Variants in ANK2 observed in about 807,000 individuals in gnomAD.
The protein encoded by ANK2 is ankyrin 2.
In ANK2, 83 loss-of-function variants were observed where a neutral mutation model predicts 360.5. The ratio of observed to expected loss-of-function variants is 0.23; its 90% confidence interval spans 0.19 to 0.28. The LOEUF (loss-of-function observed/expected upper bound fraction) is 0.28. Ranked by LOEUF, ANK2 falls within the 10% of genes least tolerant of loss-of-function variation. The probability of loss-of-function intolerance (pLI) is 1.00; values close to 1 mark genes in which losing one functional copy is unlikely to be tolerated. For missense variants in ANK2, 4,201 were observed against 4,795.7 expected (o/e 0.88, Z 3.66); for synonymous variants, 1,740 against 1,759.5 (o/e 0.99, Z 0.28).
chr4:113,383,573 A>T lies in ANK2; in HGVS notation c.*2102A>T, dbSNP rs2097203316. On this transcript the variant is annotated 3_prime_UTR_variant, in exon 46 of 46. Transcript: ENST00000357077. ...ATACTGTGAGAAGAAGTGAATTTTC[A>T]GTTGACGAATCAGCATCTTGTTCCC... is the stretch of plus-strand genomic sequence containing the variant. 1 of 152,618 alleles carries T rather than the reference A, an allele frequency of 6.6e-6. No homozygotes were observed. Among genetic ancestry groups the T allele is most frequent in the Non-Finnish European group, 1.5e-5 (1 of 68,030 alleles). 9.5% of individuals were successfully genotyped at this position (152,618 alleles called of 1,614,324 possible). A position where few individuals can be genotyped will look rare whatever the true frequency, so the allele number is the denominator to read the frequency against.
In ANK2 at chr4:113,356,369, C is replaced by G. The variant is rs2154025443; in HGVS notation, c.7751C>G (p.Pro2584Arg). The G allele has an allele frequency of 2.5e-6, 4 of 1,614,042 alleles. No individual in the cohort carries two copies. Among genetic ancestry groups the G allele is most frequent in the Non-Finnish European group, 3.4e-6 (4 of 1,179,994 alleles). The part of the protein sequence containing the change: ...SENGEKKRFT[P>R]EEEMFKMVTK... ...AACGGGGAGAAAAAGAGGTTCACAC[C>G]TGAAGAGGAGATGTTTAAAATGGTA... Residue 2584 changes from proline to arginine, a missense_variant, in exon 38 of 46, where the codon CCT becomes CGT. Around this residue, in one of 4 missense-constraint regions of ANK2, gnomAD observed 2,642 missense variants for 2,714.5 expected, o/e 0.97. Transcript: ENST00000357077.
intron 43 of ANK2, among the ~76,000 whole-genome samples, chr4:113,370,253 A>G (rs898507333): frequency 2.1e-4 from 32 of 152,280 alleles, no homozygotes; most frequent in African/African-American, 7.7e-4. Context: ...GGTGGGGTTT[A>G]GCTGCCAAAA....
intron 36 of ANK2, among the ~76,000 whole-genome samples, chr4:113,349,577 G>T (rs2095259320): frequency 6.6e-6 from 1 of 152,106 alleles, no homozygotes; most frequent in South Asian, 2.1e-4. Flanking sequence ...TAAGACTGAA[G>T]TCATTCTTTC....
chr4:112,846,584 T>G (rs1326717835), intron 1 of ANK2, among the ~76,000 whole-genome samples: 1 of 152,192 alleles, frequency 6.6e-6, no homozygotes, highest in Admixed American at 6.5e-5. Context: ...TCCTCTCTCT[T>G]GATCTCTTCC....
rs2061079301 is a variant in ANK2, at chr4:113,278,537, T to C, written c.1860T>C (p.Ala620=). 1.2e-5 allele frequency: 20 copies of C among 1,613,942 alleles called. No individual in the cohort carries two copies. The highest frequency in any genetic ancestry group is 1.7e-5 in the Non-Finnish European group (20 of 1,179,910). Residue 620 remains alanine, a synonymous_variant, in exon 17 of 46, where the codon GCT becomes GCC. Coordinates refer to ENST00000357077, the MANE Select transcript of ANK2 (RefSeq NM_001148.6). ...KVALLLLEKG[A]SPHATAKNGY... is the part of the protein sequence containing the mutation. ...CGCTGCTGTTACTGGAGAAGGGTGC[T>C]TCCCCTCATGCCACTGCCAAGGTGA...
chr4:113,290,044 G>C (rs1035720810), intron 20 of ANK2, among the ~76,000 whole-genome samples: 6 of 152,134 alleles, frequency 3.9e-5, no homozygotes, highest in African/African-American at 1.2e-4. Flanking sequence ...TGTTGAAATG[G>C]TTATAATATT....
At chr4:112,805,373 C>T in the ANK2 span, among the ~76,000 whole-genome samples, 1 of 152,086 alleles carries the variant, frequency 6.6e-6, no homozygotes, top group African/African-American at 2.4e-5. Context: ...TGGTTGCCTA[C>T]CTTTGTACCA....
intron 1 of ANK2, among the ~76,000 whole-genome samples, chr4:113,119,728 C>A (rs983655459): frequency 6.6e-6 from 1 of 152,024 alleles, no homozygotes; most frequent in Non-Finnish European, 1.5e-5. Context: ...CAGATGAGAT[C>A]CACCCCAATG....
intron 2 of ANK2, among the ~76,000 whole-genome samples, chr4:113,013,793 T>TA (rs1342134966): frequency 6.6e-6 from 1 of 152,194 alleles, no homozygotes; most frequent in Non-Finnish European, 1.5e-5. Context: ...GAGTTAGTCT[T>TA]AAAGTCAAAA....
chr4:113,088,125 TGA>T (rs1284261998), intron 1 of ANK2, among the ~76,000 whole-genome samples: 19 of 152,202 alleles, frequency 1.2e-4, no homozygotes, highest in African/African-American at 4.6e-4. Context: ...GATTTAAGGC[TGA>T]TAAATTGCTG....
intron 45 of ANK2, among the ~76,000 whole-genome samples, chr4:113,374,138 G>C (rs1314002661): frequency 6.6e-6 from 1 of 152,118 alleles, no homozygotes; most frequent in Admixed American, 6.5e-5. Context: ...TGGGCAGGCT[G>C]GTCTCGAACT....
chr4:112,783,357 T>C, the ANK2 span, among the ~76,000 whole-genome samples: 9 of 152,184 alleles, frequency 5.9e-5, no homozygotes, highest in African/African-American at 2.2e-4. Flanking sequence ...ATGAGATTGG[T>C]GTTTTTCTAT....
the ANK2 span, among the ~76,000 whole-genome samples, chr4:112,721,755 A>C: frequency 6.6e-6 from 1 of 152,156 alleles, no homozygotes; most frequent in Non-Finnish European, 1.5e-5. Flanking sequence ...TATTGTGTCT[A>C]GCCAGGAACT....
Position 113,360,707 on chromosome 4 carries a change from T to C in ANK2, c.10682-116T>C, listed in dbSNP as rs1589097118. The stretch of plus-strand genomic sequence containing the variant: ...ACAATATGATCTGAAATGTAGTATC[T>C]AGTTTGTGCTTTCAAATATTTGGAG... On this transcript the variant is annotated intron_variant, in intron 38 of 45. Coordinates refer to ENST00000357077, the MANE Select transcript of ANK2 (RefSeq NM_001148.6). The C allele has an allele frequency of 3.6e-6, 3 of 844,884 alleles. No individual in the cohort carries two copies. The East Asian group carries it at 8.0e-5, about 23-fold the overall frequency. 52.3% of individuals were successfully genotyped at this position (844,884 alleles called of 1,614,324 possible). A position where few individuals can be genotyped will look rare whatever the true frequency, so the allele number is the denominator to read the frequency against.
intron 13 of ANK2, among the ~76,000 whole-genome samples, chr4:113,261,011 A>G (rs1053593109): frequency 3.3e-5 from 5 of 152,166 alleles, no homozygotes; most frequent in Non-Finnish European, 7.3e-5. Context: ...GATGCGCCCA[A>G]AGTGGAAGTC....
intron 2 of ANK2, among the ~76,000 whole-genome samples, chr4:112,957,706 C>T (rs2030688424): frequency 1.3e-5 from 2 of 150,812 alleles, no homozygotes; most frequent in Admixed American, 6.6e-5. Flanking sequence ...ACCCCCCCAC[C>T]TCCCTCCCGG....
intron 1 of ANK2, among the ~76,000 whole-genome samples, chr4:112,895,350 A>G (rs1315836193): frequency 6.6e-6 from 1 of 152,180 alleles, no homozygotes; most frequent in African/African-American, 2.4e-5. Context: ...CGTCCCTTTC[A>G]TAGACTTGGG....
At position 113,265,005 on chromosome 4, in the gene ANK2, G is replaced by T. The variant is rs1408396319; in HGVS notation, c.1485+10G>T. On this transcript the variant is annotated intron_variant, in intron 14 of 45. Transcript: ENST00000357077. ...TGATGCCAGAGCCAGGGTAGGTACT[G>T]GTGCCCTGAGGTTCTCTTCTATCGC... is the stretch of plus-strand genomic sequence containing the variant. 1.3e-6 allele frequency: 2 copies of T among 1,554,278 alleles called. No individual in the cohort carries two copies. The highest frequency in any genetic ancestry group is 1.2e-5 in the South Asian group (1 of 84,250).
Position 113,356,164 on chromosome 4 carries a change from A to C in ANK2, c.7546A>C (p.Ser2516Arg), listed in dbSNP as rs771826064. ...CCGGCTACTCCGAGACCCTGATGGC[A>C]GTGCTGAGGATGACAGTCTTGAGCA... ...RSRLLRDPDG[S>R]AEDDSLEQTS... is the part of the protein sequence containing the mutation. Residue 2516 changes from serine (S) to arginine (R), a missense_variant, in exon 38 of 46, where the codon AGT (serine) becomes CGT (arginine). Around this residue, in one of 4 missense-constraint regions of ANK2, gnomAD observed 2,642 missense variants for 2,714.5 expected, o/e 0.97. Transcript: ENST00000357077. 16 of 1,613,886 alleles carry C rather than the reference A, an allele frequency of 9.9e-6. No individual in the cohort carries two copies. Among genetic ancestry groups the C allele is most frequent in the Non-Finnish European group, 1.2e-5 (14 of 1,179,980 alleles).
Sources: allele counts gnomAD v4.1 joint callset (sites outside exome capture counted in the v4.1 genomes callset), GRCh38; gene constraint gnomAD v4.1.1; regional missense constraint gnomAD v4.1.1; transcripts MANE v1.5; gene names NCBI Gene and HGNC (gene_info 2026-07-23, HGNC 2026-07-21).